The following AFF3 variants were observed in gnomAD, a reference collection of about 807,000 sequenced individuals.
The protein encoded by AFF3 is ALF transcription elongation factor 3.
In AFF3, 32 loss-of-function variants were observed where a neutral mutation model predicts 129.7. That is an observed-to-expected ratio of 0.25 (90% confidence interval 0.19 to 0.33). The LOEUF is 0.33. Among genes scored for constraint, AFF3 ranks in the 10% least tolerant of loss-of-function variants. The pLI is 1.00. For missense variants in AFF3, 1,373 were observed against 1,592.0 expected (o/e 0.86, Z 2.34); for synonymous variants, 644 against 635.4 (o/e 1.01, Z -0.20).
intron 7 of AFF3, among the ~76,000 whole-genome samples, chr2:99,909,905 G>A (rs1441352097): frequency 2.0e-5 from 3 of 152,086 alleles, no homozygotes; most frequent in Non-Finnish European, 4.4e-5. Flanking sequence ...ACAGTGTTAT[G>A]GGCTGAATTA....
At chr2:100,074,198 G>A (rs1489508522) in intron 4 of AFF3, among the ~76,000 whole-genome samples, 1 of 152,132 alleles carries the variant, frequency 6.6e-6, no homozygotes, top group Non-Finnish European at 1.5e-5. Context: ...ACTTTGCTGC[G>A]TTTTACTCTG....
intron 4 of AFF3, among the ~76,000 whole-genome samples, chr2:100,079,997 A>G (rs1688919257): frequency 6.6e-6 from 1 of 152,224 alleles, no homozygotes; most frequent in South Asian, 2.1e-4. Flanking sequence ...TCACTTCAGC[A>G]GAGTTCATCA....
chr2:99,650,429 T>A (rs1038559567), intron 12 of AFF3, among the ~76,000 whole-genome samples: 1 of 151,946 alleles, frequency 6.6e-6, no homozygotes, highest in Non-Finnish European at 1.5e-5. Flanking sequence ...TGTGGTGGCA[T>A]GCGCCTGTAG....
chr2:99,620,114 A>G (rs1681845115), intron 13 of AFF3, among the ~76,000 whole-genome samples: 1 of 152,168 alleles, frequency 6.6e-6, no homozygotes, highest in Non-Finnish European at 1.5e-5. Context: ...TTAGCTAGAC[A>G]TCTGCCCCAG....
At chr2:99,867,261 T>C (rs559360257) in intron 7 of AFF3, among the ~76,000 whole-genome samples, 2 of 152,102 alleles carry the variant, frequency 1.3e-5, no homozygotes, top group Non-Finnish European at 2.9e-5. Context: ...ACTTGATGAA[T>C]AGCATTTGCT....
At chr2:99,640,867 C>T (rs942366708) in intron 13 of AFF3, among the ~76,000 whole-genome samples, 6 of 152,172 alleles carry the variant, frequency 3.9e-5, no homozygotes, top group Non-Finnish European at 7.3e-5. Context: ...GAGCTGTGGG[C>T]GCTGGGGCAG....
Position 99,649,633 on chromosome 2 carries a change from A to T in AFF3, c.1177T>A (p.Ser393Thr), listed in dbSNP as rs901266291. ...AAQRTALRAL[S>T]DSAVVQQPNC... is the part of the protein sequence containing the mutation. ...AAAAATGACAAAATGTACCTGTCAG[A>T]GAGAGCGCGGAGAGCCGTTCTCTGA... Residue 393 changes from serine (S) to threonine (T), a missense_variant, in exon 13 of 25, where the codon TCT (serine) becomes ACT (threonine). By Grantham distance (58) the Ser-to-Thr change is moderately conservative. Coordinates refer to ENST00000672756, the MANE Select transcript of AFF3 (RefSeq NM_001386135.1). 6.2e-7 allele frequency: 1 copy of T among 1,614,202 alleles called. No individual in the cohort carries two copies.
chr2:99,718,142 G>C (rs1678552343), intron 11 of AFF3, among the ~76,000 whole-genome samples: 1 of 152,094 alleles, frequency 6.6e-6, no homozygotes. Flanking sequence ...GACTGTTTTG[G>C]CTACCTCTTT....
chr2:100,040,835 A>G (rs896867002), intron 4 of AFF3, among the ~76,000 whole-genome samples: 3 of 152,222 alleles, frequency 2.0e-5, no homozygotes, highest in Non-Finnish European at 4.4e-5. Context: ...GATCTCTTTT[A>G]GAGGAGACAG....
chr2:99,656,176 T>C (rs1235671275), intron 12 of AFF3, among the ~76,000 whole-genome samples: 1 of 152,210 alleles, frequency 6.6e-6, no homozygotes, highest in Non-Finnish European at 1.5e-5. Context: ...AAATGCCAAT[T>C]AAGTAAGAAA....
chr2:99,714,598 T>C (rs1396034547), intron 11 of AFF3, among the ~76,000 whole-genome samples: 2 of 152,214 alleles, frequency 1.3e-5, no homozygotes, highest in Non-Finnish European at 2.9e-5. Context: ...TAGACATATA[T>C]TGCTAGAGCC....
At chr2:99,719,816 G>A (rs982414537) in intron 11 of AFF3, among the ~76,000 whole-genome samples, 2 of 152,128 alleles carry the variant, frequency 1.3e-5, no homozygotes, top group Admixed American at 6.6e-5. Flanking sequence ...TTGTGAGGCC[G>A]AGGAGGGTGG....
intron 1 of AFF3, among the ~76,000 whole-genome samples, chr2:100,141,207 C>G (rs1011942341): frequency 2.0e-5 from 3 of 152,132 alleles, no homozygotes; most frequent in African/African-American, 7.2e-5. Flanking sequence ...GAATTTAAAC[C>G]TTGAAATCTG....
intron 7 of AFF3, among the ~76,000 whole-genome samples, chr2:99,952,361 T>C (rs560839188): frequency 6.6e-6 from 1 of 152,280 alleles, no homozygotes; most frequent in African/African-American, 2.4e-5. Flanking sequence ...ATGCTTCCTG[T>C]ACAGCCTGTA....
intron 11 of AFF3, among the ~76,000 whole-genome samples, chr2:99,713,717 A>C (rs534802528): frequency 5.9e-4 from 89 of 149,660 alleles, no homozygotes; most frequent in African/African-American, 2.1e-3. Flanking sequence ...TTTTTTTTCT[A>C]GAGAGAGTCT....
At chr2:99,586,890 G>C (rs527280507) in intron 16 of AFF3, among the ~76,000 whole-genome samples, 8 of 152,084 alleles carry the variant, frequency 5.3e-5, no homozygotes, top group Non-Finnish European at 1.0e-4. Context: ...TTGGGGGAAG[G>C]GCATGTCTTG....
intron 13 of AFF3, among the ~76,000 whole-genome samples, chr2:99,608,545 G>A (rs569566594): frequency 6.6e-6 from 1 of 152,106 alleles, no homozygotes; most frequent in African/African-American, 2.4e-5. Context: ...CGGGGGCCAC[G>A]CAAGTAGCAT....
intron 7 of AFF3, among the ~76,000 whole-genome samples, chr2:99,846,771 T>G (rs1186755913): frequency 1.3e-5 from 2 of 152,222 alleles, no homozygotes; most frequent in African/African-American, 4.8e-5. Context: ...TCTATTAATT[T>G]TATTTAAGCA....
intron 8 of AFF3, among the ~76,000 whole-genome samples, chr2:99,834,282 TG>T (rs1016607322): frequency 1.3e-4 from 20 of 152,216 alleles, no homozygotes; most frequent in Non-Finnish European, 2.6e-4. Flanking sequence ...TGTGTGACCT[TG>T]GGCAAGTTGT....
Sources: gnomAD v4.1 joint callset for allele counts (sites outside exome capture counted in the v4.1 genomes callset) on GRCh38, gnomAD v4.1.1 for gene constraint, MANE v1.5 for transcripts, NCBI Gene and HGNC (gene_info 2026-07-23, HGNC 2026-07-21) for gene names.